The following SMAD2 variants were observed in gnomAD, a reference collection of about 807,000 sequenced individuals.
The protein encoded by SMAD2 is MAD homolog 2.
In SMAD2, 8 loss-of-function variants were observed where a neutral mutation model predicts 64.4. The ratio of observed to expected loss-of-function variants is 0.12; its 90% CI spans 0.07 to 0.22. The LOEUF (loss-of-function observed/expected upper bound fraction) is 0.22. SMAD2 is among the 10% of genes least tolerant of loss of function. The pLI is 1.00. For synonymous variants in SMAD2, 203 were observed against 195.8 expected (o/e 1.04, Z -0.31); for missense variants, 289 against 561.2 (o/e 0.51, Z 4.90).
At chr18:47,920,971 A>G (rs886691401) in intron 1 of SMAD2, among the ~76,000 whole-genome samples, 11 of 152,214 alleles carry the variant, frequency 7.2e-5, no homozygotes, top group Admixed American at 5.2e-4. Context: ...TCTAGGCAAC[A>G]TGGCGAAACC....
Position 47,912,179 on chromosome 18 carries a change from G to A in SMAD2, c.-53-15370C>T, listed in dbSNP as rs191176502. 5.9e-5 allele frequency: 9 copies of A among 152,296 alleles called. No homozygotes were observed. The East Asian group carries it at 1.5e-3, about 26-fold the overall frequency. 9.4% of individuals were successfully genotyped at this position (152,296 alleles called of 1,614,324 possible). A position where few individuals can be genotyped will look rare whatever the true frequency, so the allele number is the denominator to read the frequency against. The stretch of plus-strand genomic sequence containing the variant: ...AAAATTTAGGTTATCACTAAAATAC[G>A]GTGCACAGGAAGCACTGTGGCAGAA... On this transcript the variant is annotated intron_variant, in intron 1 of 10. Coordinates refer to ENST00000262160, the MANE Select transcript of SMAD2 (RefSeq NM_005901.6).
intron 2 of SMAD2, chr18:47,882,270 A>C (rs1193536099): frequency 2.6e-5 from 4 of 152,036 alleles, no homozygotes; most frequent in African/African-American, 9.7e-5. Flanking sequence ...ATCATAGCTC[A>C]CTTCAGCCTT....
intron 2 of SMAD2, among the ~76,000 whole-genome samples, chr18:47,890,626 G>C (rs1405974130): frequency 6.6e-6 from 1 of 152,136 alleles, no homozygotes; most frequent in African/African-American, 2.4e-5. Flanking sequence ...GCTGTGAACA[G>C]TAAAAAAAGT....
chr18:47,848,555 G>C lies in SMAD2; in HGVS notation c.917C>G (p.Ser306Ter), dbSNP rs756901143. Reference sequence around the variant, plus strand: ...ACCTAAGCAGAACCTCTCTGAATTTGATGGGTCTGTAAAGCCATCTACAGT... The same window carrying C: ...ACCTAAGCAGAACCTCTCTGAATTTCATGGGTCTGTAAAGCCATCTACAGT... The part of the protein sequence containing the change: ...SLTVDGFTDP[S>*]NSERFCLGLL... Residue 306 changes from serine to a stop codon, truncating the protein, a stop_gained, in exon 8 of 11, where the codon TCA becomes TGA. Transcript: ENST00000262160. LOFTEE classifies it high-confidence loss of function. The C allele has an allele frequency of 6.2e-7, 1 of 1,613,924 alleles. No homozygotes were observed. Among genetic ancestry groups the C allele is most frequent in the Non-Finnish European group, 8.5e-7 (1 of 1,179,854 alleles).
chr18:47,888,399 CTT>C (rs1417001167), intron 2 of SMAD2, among the ~76,000 whole-genome samples: 6 of 152,146 alleles, frequency 3.9e-5, no homozygotes, highest in African/African-American at 1.4e-4. Context: ...AACAGTAGAA[CTT>C]TTGACAGTCA....
intron 1 of SMAD2, among the ~76,000 whole-genome samples, chr18:47,928,757 GC>G (rs1568125371): frequency 6.6e-6 from 1 of 152,168 alleles, no homozygotes; most frequent in Non-Finnish European, 1.5e-5. Flanking sequence ...AGAAGGTGTG[GC>G]TAAGTATAAA....
intron 2 of SMAD2, among the ~76,000 whole-genome samples, chr18:47,893,524 A>G (rs144933168): frequency 3.9e-5 from 6 of 152,348 alleles, no homozygotes; most frequent in Admixed American, 1.3e-4. Context: ...TGAAATTCTG[A>G]GTAAACGTGC....
rs1913119972 is a variant in SMAD2 at position 47,833,554 on chromosome 18, T to C, written c.*8273A>G. ...ACAAGAACAGGGTCTGCATCCATCA[T>C]ATTGCATTACAAAGTTAATGCCATC... On this transcript the variant is annotated 3_prime_UTR_variant, in exon 11 of 11. Coordinates refer to ENST00000262160, the MANE Select transcript of SMAD2 (RefSeq NM_005901.6). 2 of 230,640 alleles carry C rather than the reference T, an allele frequency of 8.7e-6. No homozygotes were observed. Among genetic ancestry groups the C allele is most frequent in the East Asian group, 1.2e-4 (2 of 16,300 alleles). 14.3% of individuals were successfully genotyped at this position (230,640 alleles called of 1,614,324 possible).
intron 6 of SMAD2, among the ~76,000 whole-genome samples, chr18:47,860,304 C>G (rs751097762): frequency 1.3e-5 from 2 of 152,008 alleles, no homozygotes; most frequent in Non-Finnish European, 1.5e-5. Context: ...TACAAGGTCT[C>G]GCTGTTGCCC....
intron 7 of SMAD2, among the ~76,000 whole-genome samples, chr18:47,850,391 A>ATG (rs1339480204): frequency 9.5e-5 from 2 of 21,070 alleles, no homozygotes; most frequent in African/African-American, 3.4e-4. Context: ...ATTATATAAT[A>ATG]TATATTATAT....
chr18:47,846,818 C>T (rs556940931), intron 8 of SMAD2, among the ~76,000 whole-genome samples: 3 of 152,198 alleles, frequency 2.0e-5, no homozygotes, highest in South Asian at 2.1e-4. Flanking sequence ...CCACAGAAAC[C>T]GTGAGGTAAA....
rs1912773993 is a variant in SMAD2, at chr18:47,826,878, G to A, written c.*14949C>T. On this transcript the variant is annotated 3_prime_UTR_variant, in exon 11 of 11. Transcript: ENST00000262160. Reference sequence around the variant, plus strand: ...TAATACTGAGTACCCACTTCAGGCTGAATGATCTCTCAAGTGCTCTCATTT... The same window carrying A: ...TAATACTGAGTACCCACTTCAGGCTAAATGATCTCTCAAGTGCTCTCATTT... The A allele has an allele frequency of 6.6e-6, 1 of 152,214 alleles. No homozygotes were observed. The highest frequency in any genetic ancestry group is 2.4e-5 in the African/African-American group (1 of 41,460). The allele number at this position is 152,214 out of a possible 1,614,324, so 9.4% of individuals were successfully genotyped here. A position where few individuals can be genotyped will look rare whatever the true frequency, so the allele number is the denominator to read the frequency against.
intron 2 of SMAD2, among the ~76,000 whole-genome samples, chr18:47,877,626 ATTAAAC>A (rs1284456345): frequency 6.6e-6 from 1 of 152,172 alleles, no homozygotes; most frequent in Non-Finnish European, 1.5e-5. Context: ...GACTACTTTG[ATTAAAC>A]TTAAATTTTT....
chr18:47,859,273 C>G (rs72912372), intron 6 of SMAD2, among the ~76,000 whole-genome samples: 423 of 152,058 alleles, frequency 2.8e-3, no homozygotes, highest in Non-Finnish European at 4.8e-3. Flanking sequence ...TCATAACTGA[C>G]AAAATAAGGA....
At chr18:47,871,383 T>G (rs922593684) in intron 2 of SMAD2, among the ~76,000 whole-genome samples, 1 of 152,220 alleles carries the variant, frequency 6.6e-6, no homozygotes, top group African/African-American at 2.4e-5. Context: ...CAAAACATCT[T>G]TTGAAAATGA....
chr18:47,854,331 G>A (rs976559406), intron 6 of SMAD2, among the ~76,000 whole-genome samples: 6 of 152,098 alleles, frequency 3.9e-5, no homozygotes, highest in African/African-American at 1.4e-4. Flanking sequence ...TCAAACCTTT[G>A]ACAAATTAAC....
In SMAD2 at chr18:47,868,487, G is replaced by A. The variant is rs370729420; in HGVS notation, c.521-30C>T. 29 of 1,602,358 alleles carry A rather than the reference G, an allele frequency of 1.8e-5. No individual in the cohort carries two copies. The African/African-American group carries it at 3.6e-4, about 20-fold the overall frequency. On this transcript the variant is annotated intron_variant, in intron 4 of 10. Transcript: ENST00000262160. Reference sequence around the variant, plus strand: ...AAAAGTTCAAGAAATCCAAGTTAATGGCAAAGAGCAAAGGGGAGTGGGGGA... The same window carrying A: ...AAAAGTTCAAGAAATCCAAGTTAATAGCAAAGAGCAAAGGGGAGTGGGGGA...
chr18:47,877,770 G>A (rs1038175318), intron 2 of SMAD2, among the ~76,000 whole-genome samples: 3 of 152,004 alleles, frequency 2.0e-5, no homozygotes, highest in African/African-American at 7.2e-5. Flanking sequence ...TTAAGTTGCT[G>A]CATTACAGAT....
At chr18:47,842,982 T>C (rs1387461509) in intron 10 of SMAD2, among the ~76,000 whole-genome samples, 1 of 152,202 alleles carries the variant, frequency 6.6e-6, no homozygotes, top group Non-Finnish European at 1.5e-5. Context: ...GAAAAGCCCA[T>C]TATCAACTCT....
Sources: gnomAD v4.1 joint callset for allele counts (sites outside exome capture counted in the v4.1 genomes callset) on GRCh38, gnomAD v4.1.1 for gene constraint, MANE v1.5 for transcripts, NCBI Gene and HGNC (gene_info 2026-07-23, HGNC 2026-07-21) for gene names.